SEZ6L: variants seen among roughly 807,000 people sequenced by gnomAD.
SEZ6L encodes the protein seizure 6-like protein.
In SEZ6L, 37 loss-of-function variants were observed where a neutral mutation model predicts 106.2. That is an observed-to-expected ratio of 0.35 (90% CI 0.27 to 0.46). The LOEUF (loss-of-function observed/expected upper bound fraction) is 0.46, where lower values mean the gene tolerates loss of function less well. SEZ6L is among the 20% of genes least tolerant of loss of function. The pLI is 1.00. For missense variants in SEZ6L, 1,172 were observed against 1,332.8 expected, an observed-to-expected ratio of 0.88 and a Z score of 1.88; for synonymous variants, 541 against 570.4, an observed-to-expected ratio of 0.95 and a Z score of 0.73.
At chr22:26,290,964 T>A (rs2081089035) in intron 1 of SEZ6L, among the ~76,000 whole-genome samples, 1 of 152,212 alleles carries the variant, frequency 6.6e-6, no homozygotes, top group African/African-American at 2.4e-5. Flanking sequence ...CCCCCAACCC[T>A]GCTTTTACAC....
At chr22:26,316,280 C>G (rs1254521837) in intron 9 of SEZ6L, among the ~76,000 whole-genome samples, 3 of 152,160 alleles carry the variant, frequency 2.0e-5, no homozygotes, top group Admixed American at 6.5e-5. Flanking sequence ...GATTGTCTCT[C>G]TTAACTCTAG....
intron 1 of SEZ6L, among the ~76,000 whole-genome samples, chr22:26,183,591 AG>A (rs891947398): frequency 6.6e-6 from 1 of 152,218 alleles, no homozygotes; most frequent in Non-Finnish European, 1.5e-5. Flanking sequence ...TCACTTTAAG[AG>A]AACCTCCAAT....
At chr22:26,213,162 G>A (rs5997053) in intron 1 of SEZ6L, among the ~76,000 whole-genome samples, 2,278 of 152,234 alleles carry the variant, frequency 0.015, 55 homozygotes, top group African/African-American at 0.052. Context: ...TAGCCATATA[G>A]TCTTCTCCCT....
intron 12 of SEZ6L, among the ~76,000 whole-genome samples, chr22:26,363,501 T>C (rs1004552265): frequency 6.6e-6 from 1 of 152,130 alleles, no homozygotes; most frequent in Non-Finnish European, 1.5e-5. Flanking sequence ...CATATATGAG[T>C]TTAAAGCCTG....
At chr22:26,316,871 GGAAAGAAA>G (rs142661944) in intron 9 of SEZ6L, among the ~76,000 whole-genome samples, 9 of 116,680 alleles carry the variant, frequency 7.7e-5, no homozygotes, top group Admixed American at 5.5e-4. Context: ...GAAAGAAGAA[GGAAAGAAA>G]GAAAGAAAGA....
chr22:26,251,413 T>C (rs2079578845), intron 1 of SEZ6L, among the ~76,000 whole-genome samples: 1 of 152,130 alleles, frequency 6.6e-6, no homozygotes, highest in African/African-American at 2.4e-5. Context: ...GAAATAATCA[T>C]ATGGTTTTTG....
rs1319437527 is a variant in SEZ6L at position 26,298,948 on chromosome 22, A to G, written c.1163-36A>G. On this transcript the variant is annotated intron_variant, in intron 4 of 16. Transcript: ENST00000248933. ...GTCAGGTTCTTGATCTGCCACTCCA[A>G]GTGATGACTGAGTCTGCCTCTGCAT... The G allele has an allele frequency of 6.6e-6, 10 of 1,514,102 alleles. 1 individual carries two copies. In the East Asian group the frequency reaches 1.2e-4, roughly 19 times the overall value. 93.8% of individuals were successfully genotyped at this position (1,514,102 alleles called of 1,614,324 possible). A position where few individuals can be genotyped will look rare whatever the true frequency, so the allele number is the denominator to read the frequency against.
intron 1 of SEZ6L, among the ~76,000 whole-genome samples, chr22:26,220,664 A>G (rs2078437799): frequency 6.6e-6 from 1 of 152,124 alleles, no homozygotes; most frequent in African/African-American, 2.4e-5. Context: ...AAGCCTACAG[A>G]AGCTGTCACA....
At chr22:26,265,479 T>C (rs2080145582) in intron 1 of SEZ6L, among the ~76,000 whole-genome samples, 1 of 152,162 alleles carries the variant, frequency 6.6e-6, no homozygotes, top group Non-Finnish European at 1.5e-5. Context: ...CTGGTCTGTG[T>C]TTTAATTGAG....
intron 9 of SEZ6L, among the ~76,000 whole-genome samples, chr22:26,338,746 C>A (rs189831808): frequency 6.6e-6 from 1 of 151,726 alleles, no homozygotes; most frequent in Non-Finnish European, 1.5e-5. Flanking sequence ...TTAGTAGAGA[C>A]GGGGTTTCAC....
chr22:26,196,596 A>C (rs1940596239), intron 1 of SEZ6L, among the ~76,000 whole-genome samples: 1 of 152,208 alleles, frequency 6.6e-6, no homozygotes, highest in Non-Finnish European at 1.5e-5. Context: ...GGTGTTAAGC[A>C]GAGGATTGTG....
chr22:26,308,085 G>A (rs1178715485), intron 6 of SEZ6L, among the ~76,000 whole-genome samples: 1 of 152,150 alleles, frequency 6.6e-6, no homozygotes, highest in Non-Finnish European at 1.5e-5. Context: ...GGGCCAAGAA[G>A]AAAAGAGAAA....
intron 1 of SEZ6L, among the ~76,000 whole-genome samples, chr22:26,269,199 G>A (rs1179486223): frequency 2.0e-5 from 3 of 152,192 alleles, no homozygotes; most frequent in Non-Finnish European, 4.4e-5. Flanking sequence ...AATGTTAATA[G>A]GCTTGTGACT....
chr22:26,310,863 C>A lies in SEZ6L; in HGVS notation c.1681+27C>A. On this transcript the variant is annotated intron_variant, in intron 7 of 16. Coordinates refer to ENST00000248933, the MANE Select transcript of SEZ6L (RefSeq NM_021115.5). Reference sequence around the variant, plus strand: ...TGAGGGTCCCTGGGAGCTTCCCTTTCTCTTGTGGGGCTGGGGGTAGCCTGG... The same window carrying A: ...TGAGGGTCCCTGGGAGCTTCCCTTTATCTTGTGGGGCTGGGGGTAGCCTGG... 1.9e-6 allele frequency: 3 copies of A among 1,608,362 alleles called. 1 individual carries two copies. Among genetic ancestry groups the A allele is most frequent in the Non-Finnish European group, 2.5e-6 (3 of 1,177,284 alleles).
At chr22:26,225,932 G>A (rs1191658894) in intron 1 of SEZ6L, among the ~76,000 whole-genome samples, 10 of 152,280 alleles carry the variant, frequency 6.6e-5, no homozygotes, top group African/African-American at 2.4e-4. Flanking sequence ...CATATCTATG[G>A]TTGAGCAAAA....
chr22:26,358,994 T>G (rs2083527341), intron 12 of SEZ6L, among the ~76,000 whole-genome samples: 3 of 152,162 alleles, frequency 2.0e-5, no homozygotes, highest in African/African-American at 7.2e-5. Context: ...TACATGTCAC[T>G]GCCTAGCCAT....
intron 9 of SEZ6L, among the ~76,000 whole-genome samples, chr22:26,333,475 C>T (rs2082551470): frequency 6.6e-6 from 1 of 152,194 alleles, no homozygotes; most frequent in African/African-American, 2.4e-5. Flanking sequence ...GAGGAGTCCC[C>T]TTCCCAAGGT....
chr22:26,201,049 G>T (rs1425083403), intron 1 of SEZ6L, among the ~76,000 whole-genome samples: 1 of 152,034 alleles, frequency 6.6e-6, no homozygotes, highest in African/African-American at 2.4e-5. Context: ...AAGCCTTATG[G>T]GTCCTTGCAC....
At chr22:26,243,107 A>T (rs1365328743) in intron 1 of SEZ6L, among the ~76,000 whole-genome samples, 4 of 152,092 alleles carry the variant, frequency 2.6e-5, no homozygotes, top group Non-Finnish European at 4.4e-5. Context: ...CCCTCCTCTT[A>T]TAAGGACACC....
Sources: gnomAD v4.1 joint callset for allele counts (sites outside exome capture counted in the v4.1 genomes callset) on GRCh38, gnomAD v4.1.1 for gene constraint, MANE v1.5 for transcripts, NCBI Gene and HGNC (gene_info 2026-07-23, HGNC 2026-07-21) for gene names.